COG5: variants seen among roughly 807,000 people sequenced by gnomAD.
The protein encoded by COG5 is conserved oligomeric Golgi complex subunit 5.
COG5 carries 86 observed loss-of-function variants against 110.4 expected under a neutral mutation model. That is an observed-to-expected ratio of 0.78 (90% confidence interval 0.65 to 0.93). COG5 has a LOEUF of 0.93. COG5 is among the 40% of genes least tolerant of loss of function. The pLI is 0.00. For missense variants in COG5, 1,077 were observed against 987.0 expected (o/e 1.09, Z -1.22); for synonymous variants, 360 against 334.6 (o/e 1.08, Z -0.83).
At chr7:107,479,295 A>C (rs142924467) in intron 6 of COG5, among the ~76,000 whole-genome samples, 10 of 152,236 alleles carry the variant, frequency 6.6e-5, no homozygotes, top group Admixed American at 2.0e-4. Flanking sequence ...TAGAAAGTTA[A>C]ATTTGGGTCA....
intron 18 of COG5, among the ~76,000 whole-genome samples, chr7:107,232,606 T>C (rs1418493977): frequency 2.6e-5 from 4 of 152,030 alleles, no homozygotes; most frequent in Non-Finnish European, 5.9e-5. Flanking sequence ...GGCTGGAAAA[T>C]GTATGATTAT....
intron 6 of COG5, among the ~76,000 whole-genome samples, chr7:107,432,910 A>G (rs947027920): frequency 6.6e-6 from 1 of 152,176 alleles, no homozygotes. Flanking sequence ...CACAGATGAC[A>G]TAATCTTAGA....
intron 8 of COG5, among the ~76,000 whole-genome samples, chr7:107,369,956 A>G (rs1813979786): frequency 6.6e-6 from 1 of 152,042 alleles, no homozygotes; most frequent in Non-Finnish European, 1.5e-5. Context: ...ATATCTTCTC[A>G]CATGCTTATT....
Position 107,248,149 on chromosome 7 carries a change from C to T in COG5, c.1853+247G>A, listed in dbSNP as rs7777976. 0.16 allele frequency among the ~76,000 whole-genome samples: 24,551 copies of T among 151,930 alleles called. 2,360 individuals are homozygous for T. Among genetic ancestry groups the T allele is most frequent in the Non-Finnish European group, 0.22 (14,678 of 67,950 alleles). On this transcript the variant is annotated intron_variant, in intron 17 of 21. Transcript: ENST00000297135. ...TGTTTCAATAAGAGAGAAATGTATG[C>T]ACATGTAACGTGATACTGTTCATAA...
chr7:107,517,052 A>C (rs1165746181), intron 6 of COG5, among the ~76,000 whole-genome samples: 1 of 152,112 alleles, frequency 6.6e-6, no homozygotes, highest in Non-Finnish European at 1.5e-5. Flanking sequence ...GTAATTACAA[A>C]CTCTGCTGAG....
chr7:107,327,615 T>C (rs758306126), intron 10 of COG5, among the ~76,000 whole-genome samples: 1 of 151,884 alleles, frequency 6.6e-6, no homozygotes, highest in East Asian at 1.9e-4. Context: ...ACAAATACCA[T>C]GATTAAAAAA....
rs1161371625 is a variant in COG5 at position 107,473,603 on chromosome 7, C to T, written c.538+53634G>A. On this transcript the variant is annotated intron_variant, in intron 6 of 21. Transcript: ENST00000297135. ...ATTTGAAATCTCACAGGAATAATTA[C>T]ACCTACACTCATTATGCTAGAGCAT... Among the ~76,000 whole-genome samples, 8 of 151,962 alleles carry T rather than the reference C, an allele frequency of 5.3e-5. No individual in the cohort carries two copies. The East Asian group carries it at 1.5e-3, about 29-fold the overall frequency.
At chr7:107,563,750 C>T in intron 1 of COG5, 53 bp downstream of exon 1, 3 of 1,596,120 alleles carry the variant, frequency 1.9e-6, no homozygotes, top group East Asian at 2.2e-5. Context: ...TGTCCAGGTG[C>T]GGAGCAGCGC....
chr7:107,385,129 G>A (rs1212116297), intron 7 of COG5, among the ~76,000 whole-genome samples: 4 of 152,152 alleles, frequency 2.6e-5, no homozygotes, highest in African/African-American at 9.7e-5. Flanking sequence ...GAGACACACA[G>A]CGAAAAAGGC....
At chr7:107,213,766 G>C (rs1448877851) in intron 19 of COG5, among the ~76,000 whole-genome samples, 1 of 152,168 alleles carries the variant, frequency 6.6e-6, no homozygotes, top group South Asian at 2.1e-4. Context: ...AAATAATGAA[G>C]TTAAATCTAT....
chr7:107,500,128 G>A (rs1407972001), intron 6 of COG5, among the ~76,000 whole-genome samples: 1 of 152,168 alleles, frequency 6.6e-6, no homozygotes, highest in African/African-American at 2.4e-5. Flanking sequence ...AGTAATGTAT[G>A]CTACACTGAA....
intron 14 of COG5, among the ~76,000 whole-genome samples, chr7:107,272,363 G>A (rs992154204): frequency 5.9e-5 from 9 of 152,200 alleles, no homozygotes; most frequent in African/African-American, 2.2e-4. Flanking sequence ...CCACCTTTCC[G>A]GATGGAACCA....
intron 12 of COG5, among the ~76,000 whole-genome samples, chr7:107,295,092 TATATA>T (rs1562955790): frequency 2.3e-4 from 18 of 77,096 alleles, no homozygotes; most frequent in African/African-American, 8.9e-4. Flanking sequence ...TATATATATA[TATATA>T]TATATTTTTT....
intron 6 of COG5, among the ~76,000 whole-genome samples, chr7:107,505,933 C>A (rs867305177): frequency 5.1e-4 from 78 of 152,162 alleles, no homozygotes; most frequent in African/African-American, 1.7e-3. Flanking sequence ...TATGGCCTGT[C>A]CTCAAGTCTC....
intron 6 of COG5, among the ~76,000 whole-genome samples, chr7:107,495,858 G>A: frequency 6.6e-6 from 1 of 151,886 alleles, no homozygotes; most frequent in East Asian, 1.9e-4. Context: ...AAAATTCCAA[G>A]AAAGGAAATC....
At chr7:107,488,597 C>A (rs1019314602) in intron 6 of COG5, among the ~76,000 whole-genome samples, 1 of 152,124 alleles carries the variant, frequency 6.6e-6, no homozygotes, top group Admixed American at 6.6e-5. Flanking sequence ...GTAATCCCAG[C>A]GCTTTGGGAG....
intron 14 of COG5, among the ~76,000 whole-genome samples, chr7:107,270,303 C>G (rs939802040): frequency 1.3e-5 from 2 of 149,708 alleles, no homozygotes; most frequent in African/African-American, 5.0e-5. Context: ...TCTATTACTC[C>G]GGCTGGAGTG....
At chr7:107,316,269 C>A (rs937634583) in intron 11 of COG5, among the ~76,000 whole-genome samples, 5 of 151,752 alleles carry the variant, frequency 3.3e-5, no homozygotes, top group Admixed American at 6.6e-5. Context: ...AGGAGAAATC[C>A]AACACAGAAA....
intron 10 of COG5, among the ~76,000 whole-genome samples, chr7:107,336,019 A>G (rs577762188): frequency 2.0e-5 from 3 of 152,332 alleles, no homozygotes; most frequent in South Asian, 4.1e-4. Flanking sequence ...ACACAATAAT[A>G]GTAGAGAACT....
Sources: gnomAD v4.1 joint callset for allele counts (sites outside exome capture counted in the v4.1 genomes callset) on GRCh38, gnomAD v4.1.1 for gene constraint, MANE v1.5 for transcripts, NCBI Gene and HGNC (gene_info 2026-07-23, HGNC 2026-07-21) for gene names.